The following ADAM21 variants were observed in gnomAD, a reference collection of about 807,000 sequenced individuals.
ADAM21 encodes disintegrin and metalloproteinase domain-containing protein 21.
For synonymous variants in ADAM21, 262 were observed against 306.0 expected (o/e 0.86, Z 1.50); for missense variants, 678 against 874.4 (o/e 0.78, Z 2.83).
At chr14:70,456,364 G>A (rs1882407108) in intron 1 of ADAM21, among the ~76,000 whole-genome samples, 1 of 152,150 alleles carries the variant, frequency 6.6e-6, no homozygotes, top group African/African-American at 2.4e-5. Context: ...GATAAGTGTT[G>A]CCAGCCAGAC....
rs1882465446 is a variant in ADAM21, at chr14:70,458,613, G to C, written c.1114G>C (p.Ala372Pro). Residue 372 changes from alanine (A) to proline (P), a missense_variant, in exon 2 of 2, where the codon GCA becomes CCA. Physicochemically the swap from Ala to Pro is conservative, Grantham distance 27. Coordinates refer to ENST00000603540, the MANE Select transcript of ADAM21 (RefSeq NM_003813.4). ...GCIMNTFRVP[A>P]EKFTNCSYAD... ...CATCATGAATACTTTTAGAGTGCCA[G>C]CAGAGAAATTCACCAATTGCAGTTA... 1.9e-6 allele frequency: 3 copies of C among 1,613,366 alleles called. No homozygotes were observed. In the African/African-American group the frequency reaches 4.0e-5, roughly 22 times the overall value.
rs143109511 is a variant in ADAM21, at chr14:70,456,312, C to T, written c.-151-1037C>T. On this transcript the variant is annotated intron_variant, in intron 1 of 1. Coordinates refer to ENST00000603540, the MANE Select transcript of ADAM21 (RefSeq NM_003813.4). The stretch of plus-strand genomic sequence containing the variant: ...CACAATGTCCTGCACTTTGTATGCT[C>T]CAAACACATAAAGACTTGTTTAATA... Among the ~76,000 whole-genome samples, 565 of 152,210 alleles carry T rather than the reference C, an allele frequency of 3.7e-3. 2 individuals are homozygous for T. Among genetic ancestry groups the T allele is most frequent in the African/African-American group, 0.013 (534 of 41,530 alleles).
chr14:70,454,624 A>C (rs145371508), intron 1 of ADAM21, among the ~76,000 whole-genome samples: 2 of 152,286 alleles, frequency 1.3e-5, no homozygotes, highest in African/African-American at 4.8e-5. Context: ...TGGTAAATTG[A>C]TTAGGATATA....
At position 70,459,603 on chromosome 14, in the gene ADAM21, G is replaced by C. The variant is rs576463088; in HGVS notation, c.2104G>C (p.Gly702Arg). The change falls in exon 2 of 2, where the codon GGG becomes CGG. Residue 702 changes from glycine (G) to arginine (R), a missense_variant. Physicochemically the swap from Gly to Arg is moderately radical, Grantham distance 125. Transcript: ENST00000603540. ...LSVLTFLFTV[G>R]LLMYLRQCSG... ...TGTTTTGACTTTCCTGTTTACTGTCGGGCTTCTTATGTATCTACGACAATG... is the reference window on the plus strand; with the variant it reads ...TGTTTTGACTTTCCTGTTTACTGTCCGGCTTCTTATGTATCTACGACAATG... The C allele has an allele frequency of 8.1e-6, 13 of 1,613,988 alleles. No homozygotes were observed. In the South Asian group the frequency reaches 1.3e-4, roughly 16 times the overall value.
Position 70,458,168 on chromosome 14 carries a change from CTCTCAAAGCAACA to C in ADAM21, c.678_690del (p.Ser226ArgfsTer12), listed in dbSNP as rs1566637017. 6.2e-7 allele frequency: 1 copy of C among 1,613,608 alleles called. No individual in the cohort carries two copies. Among genetic ancestry groups the C allele is most frequent in the East Asian group, 2.2e-5 (1 of 44,848 alleles). ...TGGTGAACCATGATTTCTTCATTTA[CTCTCAAAGCAACA>C]TCTCAAAGGTGCAAGAGGATGTATT... is the stretch of plus-strand genomic sequence containing the variant. On this transcript the variant is annotated frameshift_variant, in exon 2 of 2. Coordinates refer to ENST00000603540, the MANE Select transcript of ADAM21 (RefSeq NM_003813.4). LOFTEE classifies it low-confidence loss of function (END_TRUNC).
In ADAM21 at chr14:70,459,605, G is replaced by A. The variant is rs1882495161; in HGVS notation, c.2106G>A (p.Gly702=). Residue 702 remains glycine, a synonymous_variant, in exon 2 of 2, where the codon GGG becomes GGA. Coordinates refer to ENST00000603540, the MANE Select transcript of ADAM21 (RefSeq NM_003813.4). ...TTTTGACTTTCCTGTTTACTGTCGG[G>A]CTTCTTATGTATCTACGACAATGTT... ...LSVLTFLFTV[G]LLMYLRQCSG... is the part of the protein sequence containing the mutation. 1 of 1,614,022 alleles carries A rather than the reference G, an allele frequency of 6.2e-7. No homozygotes were observed. The highest frequency in any genetic ancestry group is 1.3e-5 in the African/African-American group (1 of 74,896).
In ADAM21 at chr14:70,457,939, C is replaced by A; in HGVS notation, c.440C>A (p.Pro147His). Residue 147 changes from proline to histidine, a missense_variant, in exon 2 of 2, where the codon CCC (proline) becomes CAC (histidine). Transcript: ENST00000603540. ...KISGLTYEIEPIRHSATFEHL... is the reference protein window; with the variant it reads ...KISGLTYEIEHIRHSATFEHL... ...AGTGGCCTCACTTATGAAATTGAAC[C>A]CATCAGGCACTCTGCCACATTTGAA... 6.2e-7 allele frequency: 1 copy of A among 1,614,010 alleles called. No homozygotes were observed. Among genetic ancestry groups the A allele is most frequent in the Non-Finnish European group, 8.5e-7 (1 of 1,180,000 alleles).
chr14:70,455,245 T>G (rs1889088599), intron 1 of ADAM21, among the ~76,000 whole-genome samples: 1 of 152,176 alleles, frequency 6.6e-6, no homozygotes, highest in Admixed American at 6.5e-5. Flanking sequence ...AGGAGATGAT[T>G]GGTGTTGGGT....
rs191484875 is a variant in ADAM21, at chr14:70,457,604, G to A, written c.105G>A (p.Gln35=). Residue 35 remains glutamine (Q), a synonymous_variant, in exon 2 of 2, where the codon CAG becomes CAA. Coordinates refer to ENST00000603540, the MANE Select transcript of ADAM21 (RefSeq NM_003813.4). ...GCTACTGTCAGGCTGGGCCCTCCCA[G>A]CATTTCACTTCCCCGGAAGTGGTGA... ...ISGYCQAGPS[Q]HFTSPEVVIP... is the part of the protein sequence containing the mutation. 2 of 1,613,962 alleles carry A rather than the reference G, an allele frequency of 1.2e-6. No individual in the cohort carries two copies. Among genetic ancestry groups the A allele is most frequent in the East Asian group, 2.2e-5 (1 of 44,882 alleles).
In ADAM21 at chr14:70,459,717, T is replaced by C. The variant is rs1473155310; in HGVS notation, c.*49T>C. The C allele has an allele frequency of 1.3e-5, 20 of 1,583,752 alleles. No homozygotes were observed. The highest frequency in any genetic ancestry group is 8.6e-5 in the Admixed American group (5 of 57,840). On this transcript the variant is annotated 3_prime_UTR_variant, in exon 2 of 2. Transcript: ENST00000603540. The stretch of plus-strand genomic sequence containing the variant: ...CCATGCATTAGTACACTTTAGTCTC[T>C]TGGCAGTAGAAACATTAGTACATCC...
At chr14:70,452,692 A>G (rs1272933781) in intron 1 of ADAM21, among the ~76,000 whole-genome samples, 1 of 152,184 alleles carries the variant, frequency 6.6e-6, no homozygotes, top group African/African-American at 2.4e-5. Context: ...GATATGAGTG[A>G]CTTGAGCATG....
chr14:70,457,410 A>G lies in ADAM21; in HGVS notation c.-90A>G. 4.4e-6 allele frequency: 7 copies of G among 1,578,818 alleles called. No individual in the cohort carries two copies. The highest frequency in any genetic ancestry group is 6.1e-6 in the Non-Finnish European group (7 of 1,156,526). On this transcript the variant is annotated 5_prime_UTR_variant, in exon 2 of 2. Coordinates refer to ENST00000603540, the MANE Select transcript of ADAM21 (RefSeq NM_003813.4). ...TCCACAGGGTCAGCCCTGCATCCTG[A>G]GCAGCTTAGAGGGAGAAGCCAGACC...
At chr14:70,455,608 G>A (rs1243093027) in intron 1 of ADAM21, among the ~76,000 whole-genome samples, 2 of 152,014 alleles carry the variant, frequency 1.3e-5, no homozygotes, top group Admixed American at 6.5e-5. Flanking sequence ...TCACTTTTAT[G>A]ATACCTTTTC....
At position 70,457,859 on chromosome 14, in the gene ADAM21, G is replaced by C; in HGVS notation, c.360G>C (p.Glu120Asp). ...ATGGTTACGTGGAGGCAGCCCCTGA[G>C]TCTCTGGTTGTGTTCAGTGCTTGTT... ...YYHGYVEAAP[E>D]SLVVFSACFG... The change falls in exon 2 of 2, where the codon GAG becomes GAC. Residue 120 changes from glutamate to aspartate, a missense_variant. Transcript: ENST00000603540. 6.2e-7 allele frequency: 1 copy of C among 1,613,774 alleles called. No individual in the cohort carries two copies. The highest frequency in any genetic ancestry group is 8.5e-7 in the Non-Finnish European group (1 of 1,179,954).
In ADAM21 at chr14:70,459,260, T is replaced by C. The variant is rs1420929517; in HGVS notation, c.1761T>C (p.Gly587=). 1 of 1,614,188 alleles carries C rather than the reference T, an allele frequency of 6.2e-7. No homozygotes were observed. The highest frequency in any genetic ancestry group is 1.7e-5 in the Admixed American group (1 of 60,024). ...CTTTGCAGCACACTCATATCAATGG[T>C]GTCACCTGCTGGGGTATTGACTATC... The part of the protein sequence containing the change: ...HFTLQHTHIN[G]VTCWGIDYHL... Residue 587 remains glycine (G), a synonymous_variant, in exon 2 of 2, where the codon GGT becomes GGC. Coordinates refer to ENST00000603540, the MANE Select transcript of ADAM21 (RefSeq NM_003813.4).
Position 70,458,387 on chromosome 14 carries a change from T to C in ADAM21, c.888T>C (p.His296=). ...SLSQLQHDAA[H]MFIKNSLISI... ...CCCAGCTACAGCATGATGCTGCACA[T>C]ATGTTCATAAAAAATTCACTTATAA... Residue 296 remains histidine, a synonymous_variant, in exon 2 of 2, where the codon CAT becomes CAC. Coordinates refer to ENST00000603540, the MANE Select transcript of ADAM21 (RefSeq NM_003813.4). 6.2e-7 allele frequency: 1 copy of C among 1,614,210 alleles called. No homozygotes were observed. The highest frequency in any genetic ancestry group is 2.2e-5 in the East Asian group (1 of 44,886).
Position 70,459,578 on chromosome 14 carries a change from T to A in ADAM21, c.2079T>A (p.Ser693=), listed in dbSNP as rs1882494400. The A allele has an allele frequency of 1.2e-6, 2 of 1,614,210 alleles. No individual in the cohort carries two copies. The highest frequency in any genetic ancestry group is 1.7e-6 in the Non-Finnish European group (2 of 1,180,038). Residue 693 remains serine (S), a synonymous_variant, in exon 2 of 2, where the codon TCT becomes TCA. Coordinates refer to ENST00000603540, the MANE Select transcript of ADAM21 (RefSeq NM_003813.4). ...CGCTGATTGTGATTCCTTCTTTGTC[T>A]GTTTTGACTTTCCTGTTTACTGTCG... ...FLPLIVIPSL[S]VLTFLFTVGL... is the part of the protein sequence containing the mutation.
At position 70,459,818 on chromosome 14, in the gene ADAM21, T is replaced by C. The variant is rs1231178199; in HGVS notation, c.*150T>C. The C allele has an allele frequency of 1.1e-6, 1 of 898,880 alleles. No homozygotes were observed. Among genetic ancestry groups the C allele is most frequent in the Non-Finnish European group, 1.7e-6 (1 of 596,834 alleles). 55.7% of individuals were successfully genotyped at this position (898,880 alleles called of 1,614,324 possible). On this transcript the variant is annotated 3_prime_UTR_variant, in exon 2 of 2. Coordinates refer to ENST00000603540, the MANE Select transcript of ADAM21 (RefSeq NM_003813.4). ...CCTTACATTAGTACCACAAACATTGTCATTAAGTTCAAGTTATTCTTAACA... is the reference window on the plus strand; with the variant it reads ...CCTTACATTAGTACCACAAACATTGCCATTAAGTTCAAGTTATTCTTAACA...
intron 1 of ADAM21, among the ~76,000 whole-genome samples, chr14:70,454,122 G>C (rs1889074488): frequency 1.3e-5 from 2 of 152,224 alleles, no homozygotes; most frequent in Admixed American, 1.3e-4. Flanking sequence ...AAACTCAGAA[G>C]ATTGAGGAGG....
Sources: gnomAD v4.1 joint callset for allele counts (sites outside exome capture counted in the v4.1 genomes callset) on GRCh38, gnomAD v4.1.1 for gene constraint, MANE v1.5 for transcripts, NCBI Gene and HGNC (gene_info 2026-07-23, HGNC 2026-07-21) for gene names.